DLGAP2: variants seen among roughly 807,000 people sequenced by gnomAD.
DLGAP2 encodes the protein disks large-associated protein 2.
Under a neutral mutation model 100.3 loss-of-function variants are expected in DLGAP2, and 26 were observed. The ratio of observed to expected loss-of-function variants is 0.26; its 90% CI spans 0.19 to 0.36. The LOEUF (loss-of-function observed/expected upper bound fraction) is 0.36. Ranked by LOEUF, DLGAP2 falls within the 10% of genes least tolerant of loss-of-function variation. The pLI, the probability that DLGAP2 is intolerant of heterozygous loss-of-function variation, is 1.00. For missense variants in DLGAP2, 1,858 were observed against 1,453.2 expected (o/e 1.28, Z -4.53); for synonymous variants, 886 against 630.1 (o/e 1.41, Z -6.08).
At chr8:864,118 T>A (rs1362632819) in intron 1 of DLGAP2, among the ~76,000 whole-genome samples, 1 of 152,100 alleles carries the variant, frequency 6.6e-6, no homozygotes, top group African/African-American at 2.4e-5. Flanking sequence ...CACCGCATAA[T>A]CCCACTCGTG....
intron 1 of DLGAP2, among the ~76,000 whole-genome samples, chr8:826,927 C>A (rs1218028259): frequency 1.3e-5 from 2 of 152,216 alleles, no homozygotes; most frequent in African/African-American, 2.4e-5. Context: ...TCCAGTCTTT[C>A]CATTCTCTCT....
At chr8:1,041,312 C>G (rs954528240) in intron 2 of DLGAP2, among the ~76,000 whole-genome samples, 1 of 151,988 alleles carries the variant, frequency 6.6e-6, no homozygotes, top group East Asian at 1.9e-4. Flanking sequence ...GATCGCCCCT[C>G]GCAGCTACTC....
rs185997265 is a variant in DLGAP2, at chr8:1,647,071, C to T, written c.1810+14025C>T. Among the ~76,000 whole-genome samples, 278 of 152,250 alleles carry T rather than the reference C, an allele frequency of 1.8e-3. 2 individuals are homozygous for T. The highest frequency in any genetic ancestry group is 5.0e-3 in the Admixed American group (77 of 15,304). ...GGTGCCGGGGCATGGAGGCCACCAC[C>T]ATTGAAGGCCTGTGGACTGATGGTT... On this transcript the variant is annotated intron_variant, in intron 8 of 14. Transcript: ENST00000637795.
At chr8:1,424,081 C>G (rs1797175017) in intron 3 of DLGAP2, among the ~76,000 whole-genome samples, 2 of 152,242 alleles carry the variant, frequency 1.3e-5, no homozygotes, top group Non-Finnish European at 2.9e-5. Context: ...TCCCATGGCA[C>G]TCAGAGGACA....
At chr8:1,591,541 A>ACTCCCC (rs1796290724) in intron 6 of DLGAP2, among the ~76,000 whole-genome samples, 1 of 150,638 alleles carries the variant, frequency 6.6e-6, no homozygotes, top group African/African-American at 2.4e-5. Flanking sequence ...CCCTCCTCCC[A>ACTCCCC]CTCCACCTCC....
chr8:1,387,396 A>C (rs1796245089), intron 3 of DLGAP2, among the ~76,000 whole-genome samples: 1 of 152,250 alleles, frequency 6.6e-6, no homozygotes, highest in Admixed American at 6.5e-5. Context: ...GGCAGTGGCC[A>C]CGGGGCTGCA....
chr8:1,261,758 A>G (rs187427345), intron 3 of DLGAP2, among the ~76,000 whole-genome samples: 264 of 152,372 alleles, frequency 1.7e-3, no homozygotes, highest in Non-Finnish European at 3.0e-3. Flanking sequence ...GAATATTCAT[A>G]TATTTTTAAA....
intron 1 of DLGAP2, among the ~76,000 whole-genome samples, chr8:834,931 C>T (rs1055516007): frequency 6.6e-6 from 1 of 152,188 alleles, no homozygotes; most frequent in African/African-American, 2.4e-5. Context: ...CCAAGCAAGG[C>T]TGTCACATTG....
chr8:893,819 A>T (rs1176566616), intron 1 of DLGAP2, among the ~76,000 whole-genome samples: 2 of 151,722 alleles, frequency 1.3e-5, no homozygotes, highest in Non-Finnish European at 2.9e-5. Flanking sequence ...ACAGAACGAG[A>T]CCCCCTTCGG....
chr8:1,339,256 G>A lies in DLGAP2; in HGVS notation c.106+80373G>A, dbSNP rs577251901. On this transcript the variant is annotated intron_variant, in intron 3 of 14. Transcript: ENST00000637795. ...CGGGAGGGAATGCAGTGACCTCAGC[G>A]AGGCGTCAGGACCCGGGAGGGAATG... Among the ~76,000 whole-genome samples, 172 of 151,248 alleles carry A rather than the reference G, an allele frequency of 1.1e-3. 1 individual carries two copies. Among genetic ancestry groups the A allele is most frequent in the Non-Finnish European group, 1.9e-3 (128 of 67,758 alleles).
At chr8:1,661,238 C>G (rs1798402310) in intron 8 of DLGAP2, among the ~76,000 whole-genome samples, 1 of 152,216 alleles carries the variant, frequency 6.6e-6, no homozygotes, top group East Asian at 1.9e-4. Context: ...TTCTCCTCAT[C>G]CCGCTGAGGT....
chr8:1,447,922 C>T (rs56274760), intron 3 of DLGAP2, among the ~76,000 whole-genome samples: 31,594 of 152,060 alleles, frequency 0.21, 3,964 homozygotes, highest in Middle Eastern at 0.29. Context: ...TCTGTGGGAT[C>T]GGTGGTGATA....
At chr8:766,475 C>T (rs893895080) in intron 1 of DLGAP2, among the ~76,000 whole-genome samples, 3 of 152,144 alleles carry the variant, frequency 2.0e-5, no homozygotes, top group Non-Finnish European at 4.4e-5. Context: ...TCTGGGGTGA[C>T]CCAAATTAGT....
At chr8:1,269,450 G>T (rs563776633) in intron 3 of DLGAP2, among the ~76,000 whole-genome samples, 1 of 152,272 alleles carries the variant, frequency 6.6e-6, no homozygotes, top group African/African-American at 2.4e-5. Context: ...CTTGCTCCAG[G>T]GCTTGTGTTT....
chr8:1,550,033 C>T (rs759436004), intron 5 of DLGAP2, among the ~76,000 whole-genome samples: 5 of 152,184 alleles, frequency 3.3e-5, no homozygotes, highest in Non-Finnish European at 5.9e-5. Flanking sequence ...CTTCCCCATC[C>T]CCAGTCCCTC....
intron 3 of DLGAP2, among the ~76,000 whole-genome samples, chr8:1,455,776 C>A (rs1191309574): frequency 6.6e-6 from 1 of 152,216 alleles, no homozygotes; most frequent in African/African-American, 2.4e-5. Context: ...CTGCATCATG[C>A]CACTGAGTGA....
chr8:1,190,066 G>A (rs890646678), intron 2 of DLGAP2, among the ~76,000 whole-genome samples: 1 of 152,180 alleles, frequency 6.6e-6, no homozygotes, highest in East Asian at 1.9e-4. Context: ...TACGGGCTCT[G>A]GTTTTCTGCT....
At chr8:1,182,742 T>C (rs1017802854) in intron 2 of DLGAP2, among the ~76,000 whole-genome samples, 16 of 152,154 alleles carry the variant, frequency 1.1e-4, no homozygotes, top group Non-Finnish European at 4.4e-5. Context: ...CTCCAGCACA[T>C]TCTGCAGAGC....
chr8:1,260,490 T>C (rs1799323715), intron 3 of DLGAP2, among the ~76,000 whole-genome samples: 1 of 152,208 alleles, frequency 6.6e-6, no homozygotes, highest in Non-Finnish European at 1.5e-5. Context: ...ACTGCTGTCA[T>C]AAAAGAAGAG....
Sources: gnomAD v4.1 joint callset for allele counts (sites outside exome capture counted in the v4.1 genomes callset) on GRCh38, gnomAD v4.1.1 for gene constraint, MANE v1.5 for transcripts, NCBI Gene and HGNC (gene_info 2026-07-23, HGNC 2026-07-21) for gene names.